MEI4: variants seen among roughly 807,000 people sequenced by gnomAD.
The protein encoded by MEI4 is meiotic double-stranded break formation protein 4, also known as meiosis-specific protein MEI4.
A neutral mutation model predicts 31.4 loss-of-function variants in MEI4; 27 were observed. The observed-to-expected ratio is 0.86, with a 90% confidence interval of 0.63 to 1.19. The LOEUF is 1.19. Among genes scored for constraint, MEI4 ranks in the 50% most tolerant of loss-of-function variants. MEI4 has a pLI of 0.00. For synonymous variants in MEI4, 122 were observed against 145.4 expected (o/e 0.84, Z 1.16); for missense variants, 329 against 398.9 (o/e 0.82, Z 1.49).
intron 4 of MEI4, among the ~76,000 whole-genome samples, chr6:77,849,953 A>T (rs1010357517): frequency 2.6e-5 from 4 of 152,214 alleles, no homozygotes; most frequent in Non-Finnish European, 5.9e-5. Context: ...AAAGTATAAA[A>T]GCAGTGGCAG....
chr6:77,794,790 A>G (rs1769034907), intron 3 of MEI4, among the ~76,000 whole-genome samples: 1 of 152,072 alleles, frequency 6.6e-6, no homozygotes, highest in African/African-American at 2.4e-5. Context: ...CAGAATACAC[A>G]TTTTTTCAAG....
intron 3 of MEI4, among the ~76,000 whole-genome samples, chr6:77,765,489 A>C (rs1383391899): frequency 6.6e-6 from 1 of 151,600 alleles, no homozygotes; most frequent in Admixed American, 6.6e-5. Flanking sequence ...ATATGTATAC[A>C]TGTGCTGTGT....
intron 4 of MEI4, among the ~76,000 whole-genome samples, chr6:77,906,879 G>T (rs1325567835): frequency 3.9e-5 from 6 of 152,116 alleles, no homozygotes; most frequent in African/African-American, 1.4e-4. Flanking sequence ...GCTCTCTATG[G>T]CTGCTATGCT....
chr6:77,800,071 T>C (rs1046388846), intron 3 of MEI4, among the ~76,000 whole-genome samples: 5 of 152,158 alleles, frequency 3.3e-5, no homozygotes, highest in African/African-American at 1.2e-4. Context: ...ATTGAATCTA[T>C]AAATTACCTT....
chr6:77,895,763 G>A (rs905937449), intron 4 of MEI4, among the ~76,000 whole-genome samples: 2 of 152,060 alleles, frequency 1.3e-5, no homozygotes, highest in Non-Finnish European at 2.9e-5. Flanking sequence ...ATTTGTGATA[G>A]GACAGAAGGG....
At chr6:77,920,374 T>C (rs1294017776) in intron 4 of MEI4, among the ~76,000 whole-genome samples, 1 of 151,946 alleles carries the variant, frequency 6.6e-6, no homozygotes, top group Non-Finnish European at 1.5e-5. Context: ...TAATACAGCA[T>C]ATAAACAGAG....
intron 4 of MEI4, among the ~76,000 whole-genome samples, chr6:77,909,316 C>A (rs968248867): frequency 1.3e-5 from 2 of 151,850 alleles, no homozygotes; most frequent in African/African-American, 4.8e-5. Flanking sequence ...GCTAGCAAGA[C>A]TACTAAAGAA....
intron 4 of MEI4, among the ~76,000 whole-genome samples, chr6:77,840,229 G>A (rs1770326341): frequency 1.3e-5 from 2 of 152,228 alleles, no homozygotes; most frequent in South Asian, 4.1e-4. Context: ...AATATTCCCT[G>A]GATGGGCCCA....
intron 1 of MEI4, among the ~76,000 whole-genome samples, chr6:77,656,229 TTTC>T (rs1489046811): frequency 3.3e-5 from 5 of 152,178 alleles, no homozygotes; most frequent in Non-Finnish European, 7.4e-5. Flanking sequence ...GAGATATGGC[TTTC>T]TTAATCTTTA....
In MEI4 at chr6:77,923,113, C is replaced by T. The variant is rs978571387; in HGVS notation, c.925C>T (p.Arg309Cys). 1.1e-5 allele frequency: 14 copies of T among 1,229,934 alleles called. No homozygotes were observed. Among genetic ancestry groups the T allele is most frequent in the African/African-American group, 6.2e-5 (4 of 64,220 alleles). The allele number at this position is 1,229,934 out of a possible 1,614,324, so 76.2% of individuals were successfully genotyped here. ...GGAGCAAGCCAGTTATGATGTGTCA[C>T]GCTATGAAAACATTTTCTACCTGTT... Reference protein sequence around the residue: ...NQEQASYDVSRYENIFYLFWV... With the variant: ...NQEQASYDVSCYENIFYLFWV... The change falls in exon 5 of 5, where the codon CGC becomes TGC. Residue 309 changes from arginine (R) to cysteine (C), a missense_variant. Arg to Cys is a radical substitution (Grantham distance 180). Coordinates refer to ENST00000684080, the MANE Select transcript of MEI4 (RefSeq NM_001322247.2).
intron 2 of MEI4, among the ~76,000 whole-genome samples, chr6:77,757,973 T>TGGTGAAACAGACAG (rs1458490241): frequency 1.3e-5 from 2 of 151,946 alleles, no homozygotes; most frequent in Admixed American, 6.6e-5. Flanking sequence ...CTGGCCAACA[T>TGGTGAAACAGACAG]GGTGAAACCC....
At chr6:77,756,631 CTCTCTCTCTT>C (rs1392372613) in intron 2 of MEI4, among the ~76,000 whole-genome samples, 2 of 151,098 alleles carry the variant, frequency 1.3e-5, no homozygotes, top group African/African-American at 4.9e-5. Context: ...CTCCCTCTCT[CTCTCTCTCTT>C]TCTCTCCCTC....
chr6:77,720,560 A>T (rs1459638545), intron 2 of MEI4, among the ~76,000 whole-genome samples: 3 of 141,854 alleles, frequency 2.1e-5, no homozygotes, highest in African/African-American at 8.0e-5. Context: ...ATGAAGGTAC[A>T]TGCGTGACAC....
At chr6:77,851,674 C>T (rs1195388818) in intron 4 of MEI4, among the ~76,000 whole-genome samples, 2 of 151,058 alleles carry the variant, frequency 1.3e-5, no homozygotes, top group Admixed American at 6.6e-5. Flanking sequence ...AGGAGATATA[C>T]CTAATGTAAA....
chr6:77,885,683 G>T (rs998493330), intron 4 of MEI4, among the ~76,000 whole-genome samples: 9 of 152,016 alleles, frequency 5.9e-5, no homozygotes, highest in African/African-American at 2.2e-4. Flanking sequence ...TGATTGCTCT[G>T]TCTAGAACTT....
intron 2 of MEI4, among the ~76,000 whole-genome samples, chr6:77,752,126 A>G (rs1278465602): frequency 2.0e-5 from 3 of 152,198 alleles, no homozygotes; most frequent in East Asian, 1.9e-4. Flanking sequence ...TCTCAAAATA[A>G]TAAGAGCTAT....
intron 4 of MEI4, among the ~76,000 whole-genome samples, chr6:77,867,497 C>G (rs1048053365): frequency 2.0e-5 from 3 of 152,118 alleles, no homozygotes; most frequent in African/African-American, 7.2e-5. Flanking sequence ...CAGAGAAATG[C>G]AAATCAAAAC....
intron 2 of MEI4, among the ~76,000 whole-genome samples, chr6:77,751,553 G>A (rs1017217156): frequency 6.6e-5 from 10 of 151,944 alleles, no homozygotes; most frequent in African/African-American, 1.9e-4. Context: ...ACACCCTCCC[G>A]AGACTAAACC....
In MEI4 at chr6:77,923,576, T is replaced by C. The variant is rs1766763675; in HGVS notation, c.*230T>C. 6.7e-6 allele frequency: 2 copies of C among 298,344 alleles called. No homozygotes were observed. 18.5% of individuals were successfully genotyped at this position (298,344 alleles called of 1,614,324 possible). On this transcript the variant is annotated 3_prime_UTR_variant, in exon 5 of 5. Coordinates refer to ENST00000684080, the MANE Select transcript of MEI4 (RefSeq NM_001322247.2). ...GTTGGTAATGCCATCCTTATTCCCATGTAACTGTATCTTATTTCACTCAAT... is the reference window on the plus strand; with the variant it reads ...GTTGGTAATGCCATCCTTATTCCCACGTAACTGTATCTTATTTCACTCAAT...
Sources: allele counts gnomAD v4.1 joint callset (sites outside exome capture counted in the v4.1 genomes callset), GRCh38; gene constraint gnomAD v4.1.1; transcripts MANE v1.5; gene names NCBI Gene and HGNC (gene_info 2026-07-23, HGNC 2026-07-21).